Variants in PRAMEF1 observed in about 807,000 individuals in gnomAD.
The protein encoded by PRAMEF1 is PRAME family member 1.
A neutral mutation model predicts 38.2 loss-of-function variants in PRAMEF1; 21 were observed. The ratio of observed to expected loss-of-function variants is 0.55; its 90% CI spans 0.39 to 0.79. PRAMEF1 has a LOEUF of 0.79. Among genes scored for constraint, PRAMEF1 ranks in the 30% least tolerant of loss-of-function variants. The pLI, the probability that PRAMEF1 is intolerant of heterozygous loss-of-function variation, is 0.00. For missense variants in PRAMEF1, 497 were observed against 565.8 expected (o/e 0.88, Z 1.23); for synonymous variants, 200 against 229.0 (o/e 0.87, Z 1.14).
Position 12,794,568 on chromosome 1 carries a change from T to C in PRAMEF1, c.866+75T>C, listed in dbSNP as rs1569733968. On this transcript the variant is annotated intron_variant, in intron 3 of 3. Transcript: ENST00000332296. Reference sequence around the variant, plus strand: ...CTGTAACAGCAAACATTAGAATGCATGTACTGTGTGCCAGCCAGTGGCAAC... The same window carrying C: ...CTGTAACAGCAAACATTAGAATGCACGTACTGTGTGCCAGCCAGTGGCAAC... 6 of 1,554,874 alleles carry C rather than the reference T, an allele frequency of 3.9e-6. No homozygotes were observed. In the Admixed American group the frequency reaches 1.0e-4, roughly 27 times the overall value.
rs1417104832 is a variant in PRAMEF1, at chr1:12,795,837, G to C, written c.1266G>C (p.Leu422Phe). The C allele has an allele frequency of 1.9e-6, 3 of 1,610,418 alleles. No homozygotes were observed. Among genetic ancestry groups the C allele is most frequent in the Admixed American group, 1.7e-5 (1 of 59,738 alleles). ...YPAPEESLNS[L>F]VRVNWEIFTP... ...CCCCTGAGGAGAGTTTGAATTCCTT[G>C]GTTCGTGTCAATTGGGAGATCTTCA... Residue 422 changes from leucine to phenylalanine, a missense_variant, in exon 4 of 4, where the codon TTG becomes TTC. This residue lies in a region of PRAMEF1 where 470 missense variants were observed against 501.9 expected (regional missense o/e 0.94). Coordinates refer to ENST00000332296, the MANE Select transcript of PRAMEF1 (RefSeq NM_023013.4).
intron 2 of PRAMEF1, 127 bp from the exon 3 acceptor site, chr1:12,793,788 T>A: frequency 7.0e-7 from 1 of 1,421,654 alleles, no homozygotes; most frequent in Non-Finnish European, 9.6e-7. Context: ...GGAACAGGGA[T>A]TGAGAAAAGA....
Position 12,796,081 on chromosome 1 carries a change from A to C in PRAMEF1, c.*85A>C, listed in dbSNP as rs1045469680. ...AAAATCTACTATGTGGGTGCAAACT[A>C]TTTTTCTCTTTTCTTATTTATTTCA... On this transcript the variant is annotated 3_prime_UTR_variant, in exon 4 of 4. Transcript: ENST00000332296. The C allele has an allele frequency of 1.5e-6, 2 of 1,351,770 alleles. No homozygotes were observed. The highest frequency in any genetic ancestry group is 5.1e-5 in the Admixed American group (2 of 39,510). 83.7% of individuals were successfully genotyped at this position (1,351,770 alleles called of 1,614,324 possible).
chr1:12,796,310 A>T lies in PRAMEF1; in HGVS notation c.*314A>T, dbSNP rs948550142. ...GGCAAGTGTTCAGTGTGAGGGAAAA[A>T]ACATAACAGCAGGGGGCAAGGTTGG... On this transcript the variant is annotated 3_prime_UTR_variant, in exon 4 of 4. Coordinates refer to ENST00000332296, the MANE Select transcript of PRAMEF1 (RefSeq NM_023013.4). 1 of 433,172 alleles carries T rather than the reference A, an allele frequency of 2.3e-6. No homozygotes were observed. Among genetic ancestry groups the T allele is most frequent in the Non-Finnish European group, 3.9e-6 (1 of 256,092 alleles). 26.8% of individuals were successfully genotyped at this position (433,172 alleles called of 1,614,324 possible).
At chr1:12,793,182 T>G (rs1639323950) in intron 1 of PRAMEF1, 21 bp from the exon 2 acceptor site, 1 of 1,603,418 alleles carries the variant, frequency 6.2e-7, no homozygotes. Flanking sequence ...GTGACACATT[T>G]TCCCTGGATT....
chr1:12,796,160 T>C lies in PRAMEF1; in HGVS notation c.*164T>C. 3.1e-6 allele frequency: 4 copies of C among 1,309,514 alleles called. No individual in the cohort carries two copies. Among genetic ancestry groups the C allele is most frequent in the Non-Finnish European group, 4.1e-6 (4 of 979,490 alleles). 81.1% of individuals were successfully genotyped at this position (1,309,514 alleles called of 1,614,324 possible). ...AAGACAATTTGAGACAGGGTTTCGC[T>C]GTGTTGCTCCAGCTGGTCTCAAACT... is the stretch of plus-strand genomic sequence containing the variant. On this transcript the variant is annotated 3_prime_UTR_variant, in exon 4 of 4. Transcript: ENST00000332296.
At position 12,795,669 on chromosome 1, in the gene PRAMEF1, C is replaced by T. The variant is rs1206501345; in HGVS notation, c.1098C>T (p.Leu366=). The change falls in exon 4 of 4, where the codon CTC becomes CTT. Residue 366 remains leucine (L), a synonymous_variant. Coordinates refer to ENST00000332296, the MANE Select transcript of PRAMEF1 (RefSeq NM_023013.4). ...LEGCQIHYSQ[L]SAILPGLSRC... is the part of the protein sequence containing the mutation. ...GCTGTCAGATCCACTACTCCCAACT[C>T]AGTGCCATCCTGCCTGGCCTGAGCC... 6.2e-7 allele frequency: 1 copy of T among 1,611,344 alleles called. No homozygotes were observed. Among genetic ancestry groups the T allele is most frequent in the Non-Finnish European group, 8.5e-7 (1 of 1,179,558 alleles).
Position 12,793,285 on chromosome 1 carries a change from G to T in PRAMEF1, c.58G>T (p.Asp20Tyr). ...GCTGGCAGGGCAGAGCCTGCTGAGAGACCAGGCCTTGTCCATCTCTGCCAT... is the reference window on the plus strand; with the variant it reads ...GCTGGCAGGGCAGAGCCTGCTGAGATACCAGGCCTTGTCCATCTCTGCCAT... ...LELAGQSLLR[D>Y]QALSISAMEE... Residue 20 changes from aspartate (D) to tyrosine (Y), a missense_variant, in exon 2 of 4, where the codon GAC (aspartate) becomes TAC (tyrosine). Physicochemically the swap from Asp to Tyr is radical, Grantham distance 160. Transcript: ENST00000332296. 2 of 1,607,830 alleles carry T rather than the reference G, an allele frequency of 1.2e-6. No homozygotes were observed. Among genetic ancestry groups the T allele is most frequent in the Non-Finnish European group, 1.7e-6 (2 of 1,177,572 alleles).
intron 1 of PRAMEF1, among the ~76,000 whole-genome samples, 169 bp from the exon 2 acceptor site, chr1:12,793,034 G>A (rs1037942479): frequency 4.0e-5 from 6 of 150,914 alleles, no homozygotes; most frequent in Non-Finnish European, 7.4e-5. Context: ...CAGTGGCACT[G>A]TCCGGTGGTT....
rs1639411003 is a variant in PRAMEF1 at position 12,796,600 on chromosome 1, A to C, written c.*604A>C. The C allele has an allele frequency of 6.5e-6, 1 of 153,968 alleles. No homozygotes were observed. The highest frequency in any genetic ancestry group is 2.4e-5 in the African/African-American group (1 of 41,300). The allele number at this position is 153,968 out of a possible 1,614,324, so 9.5% of individuals were successfully genotyped here. A position where few individuals can be genotyped will look rare whatever the true frequency, so the allele number is the denominator to read the frequency against. On this transcript the variant is annotated 3_prime_UTR_variant, in exon 4 of 4. Transcript: ENST00000332296. Reference sequence around the variant, plus strand: ...TTGAGTTTCAGTTGTAGAACATCAAAGCAACCAAATAAAAATTAGATCATT... The same window carrying C: ...TTGAGTTTCAGTTGTAGAACATCAACGCAACCAAATAAAAATTAGATCATT...
rs146167299 is a variant in PRAMEF1 at position 12,793,953 on chromosome 1, A to C, written c.326A>C (p.Asp109Ala). 5.6e-6 allele frequency: 9 copies of C among 1,608,966 alleles called. 1 individual carries two copies. Among genetic ancestry groups the C allele is most frequent in the Non-Finnish European group, 7.6e-6 (9 of 1,178,604 alleles). ...KLQVLDLRDV[D>A]ENFWARWPGA... ...CAAGTGCTGGATTTGCGGGATGTTG[A>C]CGAGAATTTCTGGGCCAGATGGCCT... is the stretch of plus-strand genomic sequence containing the variant. The change falls in exon 3 of 4, where the codon GAC (aspartate) becomes GCC (alanine). Residue 109 changes from aspartate to alanine, a missense_variant. Physicochemically the swap from Asp to Ala is moderately radical, Grantham distance 126. Coordinates refer to ENST00000332296, the MANE Select transcript of PRAMEF1 (RefSeq NM_023013.4).
intron 3 of PRAMEF1, 99 bp from the exon 4 acceptor site, chr1:12,795,339 C>G: frequency 1.8e-6 from 2 of 1,122,550 alleles, no homozygotes; most frequent in Middle Eastern, 3.0e-4. Flanking sequence ...ATGGTGGGAA[C>G]AAACTTGTGT....
At position 12,795,703 on chromosome 1, in the gene PRAMEF1, C is replaced by T. The variant is rs745596056; in HGVS notation, c.1132C>T (p.Gln378Ter). 4.3e-6 allele frequency: 7 copies of T among 1,611,546 alleles called. No individual in the cohort carries two copies. The highest frequency in any genetic ancestry group is 5.9e-6 in the Non-Finnish European group (7 of 1,179,744). Residue 378 changes from glutamine to a stop codon, truncating the protein, a stop_gained, in exon 4 of 4, where the codon CAG becomes TAG. Coordinates refer to ENST00000332296, the MANE Select transcript of PRAMEF1 (RefSeq NM_023013.4). LOFTEE classifies it high-confidence loss of function. ...AILPGLSRCS[Q>*]LTTFYFGRNC... ...CCTGCCTGGCCTGAGCCGCTGCTCC[C>T]AGCTCACCACCTTCTACTTTGGCAG... is the stretch of plus-strand genomic sequence containing the variant.
chr1:12,793,326 G>A lies in PRAMEF1; in HGVS notation c.99G>A (p.Arg33=), dbSNP rs201505067. The change falls in exon 2 of 4, where the codon AGG becomes AGA. Residue 33 remains arginine, a synonymous_variant. Coordinates refer to ENST00000332296, the MANE Select transcript of PRAMEF1 (RefSeq NM_023013.4). ...TCTCTGCCATGGAGGAGCTGCCCAG[G>A]GTGCTCTATCTCCCACTCTTCATGG... ...LSISAMEELP[R]VLYLPLFMEA... 2.6e-4 allele frequency: 424 copies of A among 1,608,960 alleles called. 34 individuals are homozygous for A. The East Asian group carries it at 6.7e-3, about 25-fold the overall frequency.
Position 12,793,934 on chromosome 1 carries a change from C to T in PRAMEF1, c.307C>T (p.Leu103=), listed in dbSNP as rs750559796. 7 of 1,608,966 alleles carry T rather than the reference C, an allele frequency of 4.4e-6. No homozygotes were observed. In the African/African-American group the frequency reaches 9.4e-5, roughly 22 times the overall value. ...CCACAGGAGGTGGAAACTTCAAGTGCTGGATTTGCGGGATGTTGACGAGAA... is the reference window on the plus strand; with the variant it reads ...CCACAGGAGGTGGAAACTTCAAGTGTTGGATTTGCGGGATGTTGACGAGAA... The part of the protein sequence containing the change: ...DRPRRWKLQV[L]DLRDVDENFW... The change falls in exon 3 of 4, where the codon CTG becomes TTG. Residue 103 remains leucine (L), a synonymous_variant. Transcript: ENST00000332296.
rs760555784 is a variant in PRAMEF1, at chr1:12,796,021, G to A, written c.*25G>A. On this transcript the variant is annotated 3_prime_UTR_variant, in exon 4 of 4. Transcript: ENST00000332296. Reference sequence around the variant, plus strand: ...GGGAAGGCGTGCCCAGTGGGGTAGAGAAATCCAAAGTTCTCTTCCAGGCAC... The same window carrying A: ...GGGAAGGCGTGCCCAGTGGGGTAGAAAAATCCAAAGTTCTCTTCCAGGCAC... 9 of 1,581,052 alleles carry A rather than the reference G, an allele frequency of 5.7e-6. No homozygotes were observed. The highest frequency in any genetic ancestry group is 1.8e-5 in the Admixed American group (1 of 55,966).
At position 12,796,532 on chromosome 1, in the gene PRAMEF1, G is replaced by C. The variant is rs994280571; in HGVS notation, c.*536G>C. 2 of 155,524 alleles carry C rather than the reference G, an allele frequency of 1.3e-5. No individual in the cohort carries two copies. The highest frequency in any genetic ancestry group is 2.8e-5 in the Non-Finnish European group (2 of 70,320). The allele number at this position is 155,524 out of a possible 1,614,324, so 9.6% of individuals were successfully genotyped here. A position where few individuals can be genotyped will look rare whatever the true frequency, so the allele number is the denominator to read the frequency against. ...TATCCATCAGAAATCTCTAGTTATC[G>C]AGTTACGGATGGAAAAATAACGAAA... On this transcript the variant is annotated 3_prime_UTR_variant, in exon 4 of 4. Transcript: ENST00000332296.
Position 12,796,309 on chromosome 1 carries a change from A to T in PRAMEF1, c.*313A>T, listed in dbSNP as rs575903969. The stretch of plus-strand genomic sequence containing the variant: ...AGGCAAGTGTTCAGTGTGAGGGAAA[A>T]AACATAACAGCAGGGGGCAAGGTTG... On this transcript the variant is annotated 3_prime_UTR_variant, in exon 4 of 4. Coordinates refer to ENST00000332296, the MANE Select transcript of PRAMEF1 (RefSeq NM_023013.4). The T allele has an allele frequency of 3.0e-5, 13 of 436,600 alleles. No individual in the cohort carries two copies. Among genetic ancestry groups the T allele is most frequent in the African/African-American group, 2.6e-4 (13 of 49,916 alleles). 27.0% of individuals were successfully genotyped at this position (436,600 alleles called of 1,614,324 possible). A position where few individuals can be genotyped will look rare whatever the true frequency, so the allele number is the denominator to read the frequency against.
At position 12,796,265 on chromosome 1, in the gene PRAMEF1, T is replaced by A. The variant is rs149993297; in HGVS notation, c.*269T>A. The A allele has an allele frequency of 7.7e-3, 4,062 of 526,916 alleles. 128 individuals carry two copies. The highest frequency in any genetic ancestry group is 0.011 in the Middle Eastern group (22 of 1,940). The allele number at this position is 526,916 out of a possible 1,614,324, so 32.6% of individuals were successfully genotyped here. A position where few individuals can be genotyped will look rare whatever the true frequency, so the allele number is the denominator to read the frequency against. On this transcript the variant is annotated 3_prime_UTR_variant, in exon 4 of 4. Transcript: ENST00000332296. ...CATGAGTGACTGTGTCCAGGCCACATGCAACTTAAAGGAAGCACAGGCAAG... is the reference window on the plus strand; with the variant it reads ...CATGAGTGACTGTGTCCAGGCCACAAGCAACTTAAAGGAAGCACAGGCAAG...
Sources: gnomAD v4.1 joint callset for allele counts (sites outside exome capture counted in the v4.1 genomes callset) on GRCh38, gnomAD v4.1.1 for gene constraint, gnomAD v4.1.1 regional missense constraint, MANE v1.5 for transcripts, NCBI Gene and HGNC (gene_info 2026-07-23, HGNC 2026-07-21) for gene names.